Variants in FREM1 observed in about 807,000 individuals in gnomAD.
FREM1 encodes FRAS1 related extracellular matrix 1.
FREM1 carries 220 observed loss-of-function variants against 210.1 expected under a neutral mutation model. The observed-to-expected ratio is 1.05, with a 90% CI of 0.94 to 1.17. FREM1 has a LOEUF of 1.17. Among genes scored for constraint, FREM1 ranks in the 50% most tolerant of loss-of-function variants. The pLI is 0.00. For synonymous variants in FREM1, 1,189 were observed against 980.2 expected, an observed-to-expected ratio of 1.21 and a Z score of -3.98; for missense variants, 3,454 against 2,675.5, an observed-to-expected ratio of 1.29 and a Z score of -6.42.
At chr9:14,859,113 G>T in intron 4 of FREM1, 70 bp downstream of exon 4, 1 of 1,254,538 alleles carries the variant, frequency 8.0e-7, no homozygotes, top group Non-Finnish European at 1.1e-6. Flanking sequence ...CATCATGGTG[G>T]AAGGTGAGCA....
chr9:14,771,103 G>C (rs942970222), intron 25 of FREM1, among the ~76,000 whole-genome samples: 2 of 152,216 alleles, frequency 1.3e-5, no homozygotes, highest in African/African-American at 2.4e-5. Context: ...GTCTTTCACC[G>C]CCATGGATTC....
intron 24 of FREM1, among the ~76,000 whole-genome samples, chr9:14,781,098 G>A (rs537994176): frequency 6.6e-6 from 1 of 152,264 alleles, no homozygotes; most frequent in South Asian, 2.1e-4. Context: ...CTGGAAATGA[G>A]CTCTGAGCCC....
At chr9:14,758,444 G>A (rs1197373729) in intron 28 of FREM1, among the ~76,000 whole-genome samples, 6 of 152,022 alleles carry the variant, frequency 3.9e-5, no homozygotes, top group Admixed American at 3.3e-4. Context: ...GCAATCTTCT[G>A]GAAAACTATA....
intron 21 of FREM1, among the ~76,000 whole-genome samples, chr9:14,796,010 T>C (rs907238769): frequency 6.6e-6 from 1 of 152,180 alleles, no homozygotes; most frequent in African/African-American, 2.4e-5. Flanking sequence ...ATCCAACATA[T>C]TAGCTAAGAA....
intron 17 of FREM1, 62 bp from the exon 18 acceptor site, chr9:14,806,908 G>A (rs992055445): frequency 3.0e-6 from 3 of 1,011,772 alleles, no homozygotes; most frequent in African/African-American, 1.6e-5. Flanking sequence ...GACTGGGTAG[G>A]ACAAAATGCA....
At chr9:14,889,660 C>T (rs1049217863) in intron 1 of FREM1, among the ~76,000 whole-genome samples, 15 of 152,254 alleles carry the variant, frequency 9.9e-5, no homozygotes, top group African/African-American at 3.6e-4. Flanking sequence ...CAGGAAGCTG[C>T]CAGACTCAGA....
intron 3 of FREM1, among the ~76,000 whole-genome samples, chr9:14,859,876 C>T (rs772234501): frequency 5.3e-5 from 8 of 152,154 alleles, no homozygotes; most frequent in African/African-American, 1.9e-4. Context: ...CTGAAGCATT[C>T]AGGCCTTTTT....
chr9:14,848,905 C>G (rs1362280765), intron 6 of FREM1, 132 bp from the exon 7 acceptor site: 2 of 495,454 alleles, frequency 4.0e-6, no homozygotes, highest in Non-Finnish European at 7.4e-6. Flanking sequence ...GTTCCCACAT[C>G]TCATTTAGAC....
At chr9:14,763,627 C>G (rs2132339981) in intron 27 of FREM1, among the ~76,000 whole-genome samples, 1 of 152,324 alleles carries the variant, frequency 6.6e-6, no homozygotes, top group South Asian at 2.1e-4. Context: ...CTTCAGGTCC[C>G]TCTGTCACTC....
intron 17 of FREM1, among the ~76,000 whole-genome samples, chr9:14,807,244 A>G (rs1315779792): frequency 6.6e-6 from 1 of 152,162 alleles, no homozygotes; most frequent in Non-Finnish European, 1.5e-5. Context: ...TAGTTTATGT[A>G]CTCTTCAAGA....
At chr9:14,906,118 A>G (rs1817653226) in intron 1 of FREM1, among the ~76,000 whole-genome samples, 1 of 152,210 alleles carries the variant, frequency 6.6e-6, no homozygotes, top group South Asian at 2.1e-4. Flanking sequence ...CAAAGAAGAA[A>G]TATTTATTAA....
chr9:14,826,574 A>C (rs1822496285), intron 10 of FREM1, among the ~76,000 whole-genome samples: 1 of 152,146 alleles, frequency 6.6e-6, no homozygotes, highest in African/African-American at 2.4e-5. Context: ...TTCAGTTGGA[A>C]TTGTTCCTGA....
rs778430565 is a variant in FREM1, at chr9:14,812,993, T to C, written c.2712A>G (p.Gly904=). ...DLMPVMNCSE[G]GEVVITSEYI... The stretch of plus-strand genomic sequence containing the variant: ...ATTCAGAGGTGATGACCACCTCTCC[T>C]CCCTCTGAGCAATTCATGACAGGCA... Residue 904 remains glycine (G), a synonymous_variant, in exon 16 of 37, where the codon GGA becomes GGG. Transcript: ENST00000380880. 1.2e-6 allele frequency: 2 copies of C among 1,613,754 alleles called. No homozygotes were observed. The highest frequency in any genetic ancestry group is 2.2e-5 in the South Asian group (2 of 91,074).
At chr9:14,831,476 T>A (rs1381075903) in intron 10 of FREM1, among the ~76,000 whole-genome samples, 2 of 152,218 alleles carry the variant, frequency 1.3e-5, no homozygotes. Flanking sequence ...TGCAGCCAAA[T>A]TTTAATCTCG....
At chr9:14,761,402 G>GTTTA (rs1845469985) in intron 27 of FREM1, among the ~76,000 whole-genome samples, 1 of 152,140 alleles carries the variant, frequency 6.6e-6, no homozygotes, top group African/African-American at 2.4e-5. Flanking sequence ...TATTGTTTGA[G>GTTTA]TTTATTGCTA....
chr9:14,799,761 T>C (rs1447033834), intron 20 of FREM1, among the ~76,000 whole-genome samples: 2 of 152,176 alleles, frequency 1.3e-5, no homozygotes, highest in African/African-American at 4.8e-5. Flanking sequence ...TTGCAATTGA[T>C]AAAAGCTGAG....
At chr9:14,900,181 CT>C (rs1297906009) in intron 1 of FREM1, among the ~76,000 whole-genome samples, 1 of 152,172 alleles carries the variant, frequency 6.6e-6, no homozygotes, top group Non-Finnish European at 1.5e-5. Context: ...CCTCCTTCAT[CT>C]AGAGGACCCC....
chr9:14,793,965 G>A (rs1199800984), intron 21 of FREM1, among the ~76,000 whole-genome samples: 1 of 152,156 alleles, frequency 6.6e-6, no homozygotes, highest in East Asian at 1.9e-4. Context: ...AGTTGGTTGA[G>A]GGCTTATGGA....
chr9:14,776,195 A>T lies in FREM1; in HGVS notation c.4451T>A (p.Ile1484Asn). Residue 1484 changes from isoleucine (I) to asparagine (N), a missense_variant, in exon 25 of 37, where the codon ATC becomes AAC. Coordinates refer to ENST00000380880, the MANE Select transcript of FREM1 (RefSeq NM_001379081.2). The stretch of plus-strand genomic sequence containing the variant: ...GTGCTCGGTCCGCAGTCCATTGCTG[A>T]TGATGAATCTGGTAAAGAGAGGCAA... Reference protein sequence around the residue: ...TVSSDRFRFIISNGLRTEHGV... With the variant: ...TVSSDRFRFINSNGLRTEHGV... The T allele has an allele frequency of 1.3e-6, 2 of 1,518,376 alleles. No homozygotes were observed. Among genetic ancestry groups the T allele is most frequent in the Non-Finnish European group, 1.8e-6 (2 of 1,133,842 alleles). The allele number at this position is 1,518,376 out of a possible 1,614,324, so 94.1% of individuals were successfully genotyped here. A position where few individuals can be genotyped will look rare whatever the true frequency, so the allele number is the denominator to read the frequency against.
Sources: gnomAD v4.1 joint callset for allele counts (sites outside exome capture counted in the v4.1 genomes callset) on GRCh38, gnomAD v4.1.1 for gene constraint, MANE v1.5 for transcripts, NCBI Gene and HGNC (gene_info 2026-07-23, HGNC 2026-07-21) for gene names.